Variants in SIL1 observed in about 807,000 individuals in gnomAD.
SIL1 encodes the protein nucleotide exchange factor SIL1.
A neutral mutation model predicts 49.1 loss-of-function variants in SIL1; 40 were observed. The ratio of observed to expected loss-of-function variants is 0.81; its 90% CI spans 0.63 to 1.06. The LOEUF is 1.06. Ranked by LOEUF, SIL1 falls within the 50% of genes least tolerant of loss-of-function variation. The probability of loss-of-function intolerance (pLI) is 0.00; values close to 1 mark genes in which losing one functional copy is unlikely to be tolerated. For missense variants in SIL1, 500 were observed against 572.6 expected (o/e 0.87, Z 1.29); for synonymous variants, 253 against 250.8 (o/e 1.01, Z -0.08).
chr5:139,013,171 A>T (rs1246779634), intron 7 of SIL1, among the ~76,000 whole-genome samples: 2 of 152,170 alleles, frequency 1.3e-5, no homozygotes, highest in Non-Finnish European at 2.9e-5. Flanking sequence ...CCTGTCCCCA[A>T]TATTTCCCTT....
chr5:139,023,225 G>GC (rs1561832454), intron 6 of SIL1, among the ~76,000 whole-genome samples: 14 of 152,100 alleles, frequency 9.2e-5, no homozygotes, highest in African/African-American at 3.1e-4. Flanking sequence ...TCAAAAGCTG[G>GC]GCCCCCCCCT....
chr5:139,175,223 G>A (rs1581152961), intron 1 of SIL1, among the ~76,000 whole-genome samples: 1 of 152,208 alleles, frequency 6.6e-6, no homozygotes, highest in Admixed American at 6.5e-5. Context: ...TCAGAAGGCT[G>A]AGGCAGGAGA....
intron 3 of SIL1, among the ~76,000 whole-genome samples, chr5:139,099,804 G>A (rs1182406353): frequency 6.6e-6 from 1 of 152,120 alleles, no homozygotes; most frequent in African/African-American, 2.4e-5. Context: ...AGGGGAACAA[G>A]GAGATAGGGA....
At chr5:139,007,370 T>C (rs1768144396) in intron 7 of SIL1, among the ~76,000 whole-genome samples, 2 of 136,778 alleles carry the variant, frequency 1.5e-5, no homozygotes, top group Admixed American at 7.2e-5. Context: ...GCTGAGACAA[T>C]GGGGTTTTCT....
chr5:139,174,390 G>C (rs1399683544), intron 1 of SIL1, among the ~76,000 whole-genome samples: 12 of 151,962 alleles, frequency 7.9e-5, no homozygotes, highest in Admixed American at 7.9e-4. Flanking sequence ...CCAACTACTT[G>C]GGAGGCTGAG....
At chr5:139,091,340 T>TA (rs1322995695) in intron 3 of SIL1, among the ~76,000 whole-genome samples, 2 of 151,452 alleles carry the variant, frequency 1.3e-5, no homozygotes, top group African/African-American at 4.8e-5. Context: ...CCCCAATATA[T>TA]AAAAAACTTT....
At position 139,052,693 on chromosome 5, in the gene SIL1, A is replaced by C. The variant is rs1769317387; in HGVS notation, c.245-1647T>G. 2.0e-5 allele frequency among the ~76,000 whole-genome samples: 3 copies of C among 152,254 alleles called. 1 individual carries two copies. In the South Asian group the frequency reaches 6.2e-4, roughly 32 times the overall value. On this transcript the variant is annotated intron_variant, in intron 3 of 9. Coordinates refer to ENST00000394817, the MANE Select transcript of SIL1 (RefSeq NM_022464.5). ...TGCAAGACTCCGTCTCAAAAAAAAA[A>C]GTTCAGAGCGCAGTGGAAAAATCCT...
chr5:139,047,373 G>A (rs1169724672), intron 4 of SIL1, among the ~76,000 whole-genome samples: 2 of 152,236 alleles, frequency 1.3e-5, no homozygotes, highest in East Asian at 3.8e-4. Context: ...CAGAGTCAGG[G>A]TCTTCTGTCC....
chr5:139,032,619 A>C (rs1359570668), intron 5 of SIL1, among the ~76,000 whole-genome samples: 1 of 152,208 alleles, frequency 6.6e-6, no homozygotes, highest in Non-Finnish European at 1.5e-5. Flanking sequence ...TTTCTGGAAC[A>C]AACTGTGTAG....
At chr5:139,197,208 C>T (rs1394230149) in intron 1 of SIL1, among the ~76,000 whole-genome samples, 1 of 136,094 alleles carries the variant, frequency 7.3e-6, no homozygotes, top group African/African-American at 2.8e-5. Flanking sequence ...GCGGAGGTTG[C>T]TGTGAGTCGA....
At chr5:138,958,967 GA>G (rs1223130507) in intron 7 of SIL1, among the ~76,000 whole-genome samples, 2 of 152,042 alleles carry the variant, frequency 1.3e-5, no homozygotes, top group Admixed American at 1.3e-4. Context: ...TTAATCTATG[GA>G]ATGGCATCCA....
At chr5:138,985,426 C>T (rs953353081) in intron 7 of SIL1, among the ~76,000 whole-genome samples, 2 of 152,212 alleles carry the variant, frequency 1.3e-5, no homozygotes, top group Non-Finnish European at 2.9e-5. Context: ...TGCAGCCTGA[C>T]TCACGGCAGC....
chr5:139,194,580 GAGA>G (rs1752231135), intron 1 of SIL1, among the ~76,000 whole-genome samples: 2 of 152,252 alleles, frequency 1.3e-5, no homozygotes, highest in African/African-American at 2.4e-5. Flanking sequence ...CTCAGAAAGA[GAGA>G]AGATTAGCTC....
chr5:138,988,716 T>A (rs1032751218), intron 7 of SIL1, among the ~76,000 whole-genome samples: 7 of 152,098 alleles, frequency 4.6e-5, no homozygotes, highest in African/African-American at 1.4e-4. Flanking sequence ...CTACAAAAAA[T>A]TTTTAAATTG....
intron 7 of SIL1, chr5:139,014,049 T>C (rs1266078224): frequency 6.6e-6 from 1 of 152,116 alleles, no homozygotes; most frequent in Non-Finnish European, 1.5e-5. Context: ...CCTTCAATCT[T>C]GTTGAGGAGA....
At chr5:139,189,991 A>G (rs1752139265) in intron 1 of SIL1, among the ~76,000 whole-genome samples, 1 of 152,244 alleles carries the variant, frequency 6.6e-6, no homozygotes, top group Non-Finnish European at 1.5e-5. Context: ...AGGAAGCACC[A>G]TATCTATTCT....
At chr5:139,193,841 CAA>C (rs1385108240) in intron 1 of SIL1, among the ~76,000 whole-genome samples, 1 of 152,286 alleles carries the variant, frequency 6.6e-6, no homozygotes, top group Non-Finnish European at 1.5e-5. Flanking sequence ...CCACTCTTCT[CAA>C]GAGAGAGATC....
chr5:139,035,527 T>G, intron 5 of SIL1: 1 of 525,802 alleles, frequency 1.9e-6, no homozygotes, highest in Non-Finnish European at 3.7e-6. Context: ...CCAACCTTTT[T>G]CGGAGACAGA....
chr5:139,015,717 A>G (rs1768383405), intron 7 of SIL1, among the ~76,000 whole-genome samples: 2 of 152,222 alleles, frequency 1.3e-5, no homozygotes, highest in African/African-American at 2.4e-5. Context: ...TAAGAACAAA[A>G]TCCTTCCCAG....
Sources: gnomAD v4.1 joint callset for allele counts (sites outside exome capture counted in the v4.1 genomes callset) on GRCh38, gnomAD v4.1.1 for gene constraint, MANE v1.5 for transcripts, NCBI Gene and HGNC (gene_info 2026-07-23, HGNC 2026-07-21) for gene names.